Variants in BFSP2 observed in about 807,000 individuals in gnomAD.
The protein encoded by BFSP2 is phakinin.
BFSP2 carries 38 observed loss-of-function variants against 44.9 expected under a neutral mutation model. That is an observed-to-expected ratio of 0.85 (90% CI 0.65 to 1.11). The LOEUF is 1.11. BFSP2 is among the 50% of genes least tolerant of loss of function. BFSP2 has a pLI of 0.00. For synonymous variants in BFSP2, 197 were observed against 209.9 expected, an observed-to-expected ratio of 0.94 and a Z score of 0.53; for missense variants, 525 against 533.0, an observed-to-expected ratio of 0.99 and a Z score of 0.15.
At chr3:133,474,844 C>A in intron 6 of BFSP2, 125 bp from the exon 7 acceptor site, 1 of 1,337,750 alleles carries the variant, frequency 7.5e-7, no homozygotes, top group Non-Finnish European at 1.1e-6. Flanking sequence ...ATTTAAAACC[C>A]AAAACTATCT....
chr3:133,400,058 T>A lies in BFSP2; in HGVS notation c.-26T>A. On this transcript the variant is annotated 5_prime_UTR_variant, in exon 1 of 7. Coordinates refer to ENST00000302334, the MANE Select transcript of BFSP2 (RefSeq NM_003571.4). The surrounding 1 kb of genome is among the most constrained non-coding windows in gnomAD (Gnocchi z 4.0). Reference sequence around the variant, plus strand: ...AAGCCACTGGACTCTGTAAACCCACTGGGCACCACAGAGGCAGAAGGGGTG... The same window carrying A: ...AAGCCACTGGACTCTGTAAACCCACAGGGCACCACAGAGGCAGAAGGGGTG... The A allele has an allele frequency of 6.2e-7, 1 of 1,614,026 alleles. No homozygotes were observed. Among genetic ancestry groups the A allele is most frequent in the Non-Finnish European group, 8.5e-7 (1 of 1,180,012 alleles).
intron 1 of BFSP2, among the ~76,000 whole-genome samples, chr3:133,425,345 G>A (rs2073633574): frequency 2.0e-5 from 3 of 152,144 alleles, no homozygotes; most frequent in South Asian, 4.1e-4. Context: ...TGCTGGGCAC[G>A]TGATGGATGT....
intron 1 of BFSP2, among the ~76,000 whole-genome samples, chr3:133,428,593 C>A (rs780361563): frequency 6.6e-5 from 10 of 152,200 alleles, no homozygotes; most frequent in Non-Finnish European, 1.3e-4. Flanking sequence ...AGGTCCCACG[C>A]GAATTTCTGA....
chr3:133,447,261 A>G, intron 1 of BFSP2, 56 bp from the exon 2 acceptor site: 1 of 1,582,804 alleles, frequency 6.3e-7, no homozygotes, highest in Non-Finnish European at 8.7e-7. Flanking sequence ...CATGGTGGTA[A>G]GTGATCTTGA....
chr3:133,425,462 A>G (rs1400932540), intron 1 of BFSP2, among the ~76,000 whole-genome samples: 4 of 152,344 alleles, frequency 2.6e-5, no homozygotes, highest in African/African-American at 9.6e-5. Context: ...AGTGGGTGGT[A>G]GACATTCTTC....
rs886058008 is a variant in BFSP2, at chr3:133,400,332, C to CT, written c.251dup (p.Leu85ProfsTer25). 14 of 1,614,044 alleles carry CT rather than the reference C, an allele frequency of 8.7e-6. No individual in the cohort carries two copies. The highest frequency in any genetic ancestry group is 1.2e-5 in the Non-Finnish European group (14 of 1,180,046). ...GCCGGGCCCTCGGCATCAGCAGTGT[C>CT]TTCCTTCAGGGCCTGCGGAGCTCAG... is the stretch of plus-strand genomic sequence containing the variant. On this transcript the variant is annotated frameshift_variant, in exon 1 of 7. Coordinates refer to ENST00000302334, the MANE Select transcript of BFSP2 (RefSeq NM_003571.4). LOFTEE classifies it high-confidence loss of function. The surrounding 1 kb of genome is among the most constrained non-coding windows in gnomAD (Gnocchi z 4.0).
At chr3:133,409,452 T>C (rs922027642) in intron 1 of BFSP2, among the ~76,000 whole-genome samples, 9 of 152,292 alleles carry the variant, frequency 5.9e-5, no homozygotes, top group East Asian at 1.9e-4. Flanking sequence ...TATTTCCAAG[T>C]CTGACCACTG....
At chr3:133,444,403 T>A (rs1362025317) in intron 1 of BFSP2, among the ~76,000 whole-genome samples, 1 of 152,164 alleles carries the variant, frequency 6.6e-6, no homozygotes, top group Non-Finnish European at 1.5e-5. Context: ...CTTCATTTTA[T>A]GGGGGAGGAA....
chr3:133,448,790 A>G (rs1360634636), intron 3 of BFSP2, 145 bp downstream of exon 3: 2 of 1,095,722 alleles, frequency 1.8e-6, no homozygotes. Context: ...CCTGTAAAAT[A>G]CTTTCAGATC....
intron 4 of BFSP2, among the ~76,000 whole-genome samples, chr3:133,451,764 T>C (rs547489596): frequency 6.6e-6 from 1 of 152,332 alleles, no homozygotes; most frequent in South Asian, 2.1e-4. Context: ...TGTTAAATAG[T>C]ATACATTATA....
chr3:133,414,455 A>C (rs1263768667), intron 1 of BFSP2, among the ~76,000 whole-genome samples: 13 of 36,430 alleles, frequency 3.6e-4, no homozygotes, highest in East Asian at 6.7e-4. Flanking sequence ...TCTCCCCTCT[A>C]CTCACCCCTG....
intron 1 of BFSP2, chr3:133,445,659 A>T (rs2073890325): frequency 2.6e-5 from 4 of 152,220 alleles, no homozygotes. Flanking sequence ...TATTTTCTAA[A>T]TAACACAATA....
At chr3:133,464,864 C>T (rs2074094571) in intron 4 of BFSP2, among the ~76,000 whole-genome samples, 2 of 152,130 alleles carry the variant, frequency 1.3e-5, no homozygotes, top group South Asian at 4.1e-4. Context: ...GCTAACCAGT[C>T]AGAGCTGGGT....
At chr3:133,473,871 C>G (rs1330675685) in intron 6 of BFSP2, among the ~76,000 whole-genome samples, 3 of 152,216 alleles carry the variant, frequency 2.0e-5, no homozygotes, top group Non-Finnish European at 4.4e-5. Context: ...ATGATCCTCT[C>G]CTTTAATCAG....
chr3:133,446,595 T>C (rs1283435987), intron 1 of BFSP2, among the ~76,000 whole-genome samples: 15 of 28,092 alleles, frequency 5.3e-4, no homozygotes, highest in African/African-American at 2.3e-3. Context: ...TATATATATA[T>C]ATATATATAT....
chr3:133,436,750 C>T (rs2073787691), intron 1 of BFSP2, among the ~76,000 whole-genome samples: 2 of 152,136 alleles, frequency 1.3e-5, no homozygotes, highest in South Asian at 2.1e-4. Context: ...TGCTATCCCT[C>T]CCCGCTTCCC....
intron 1 of BFSP2, among the ~76,000 whole-genome samples, chr3:133,440,696 A>C (rs557808665): frequency 1.3e-5 from 2 of 152,176 alleles, no homozygotes; most frequent in African/African-American, 4.8e-5. Flanking sequence ...TGTCCTCAGC[A>C]TGACAGACTT....
intron 1 of BFSP2, among the ~76,000 whole-genome samples, chr3:133,409,007 CA>C (rs1215277222): frequency 1.3e-5 from 2 of 152,062 alleles, no homozygotes; most frequent in Admixed American, 6.5e-5. Flanking sequence ...TTCAGAAAGC[CA>C]ATTCTAAGAA....
chr3:133,433,527 C>G (rs913472505), intron 1 of BFSP2, among the ~76,000 whole-genome samples: 5 of 152,158 alleles, frequency 3.3e-5, no homozygotes, highest in East Asian at 1.9e-4. Context: ...CTCAAAGCCC[C>G]GAGTCAGATA....
Sources: allele counts gnomAD v4.1 joint callset (sites outside exome capture counted in the v4.1 genomes callset), GRCh38; gene constraint gnomAD v4.1.1; non-coding constraint Gnocchi (gnomAD v3.1); transcripts MANE v1.5; gene names NCBI Gene and HGNC (gene_info 2026-07-23, HGNC 2026-07-21).